Variants in VPS41 observed in about 807,000 individuals in gnomAD.
VPS41 encodes the protein VPS41 subunit of HOPS complex.
Under a neutral mutation model 130.9 loss-of-function variants are expected in VPS41, and 85 were observed. That is an observed-to-expected ratio of 0.65 (90% CI 0.55 to 0.78). The LOEUF (loss-of-function observed/expected upper bound fraction) is 0.78, where lower values mean the gene tolerates loss of function less well. Ranked by LOEUF, VPS41 falls within the 30% of genes least tolerant of loss-of-function variation. The pLI is 0.00. For synonymous variants in VPS41, 335 were observed against 332.9 expected (o/e 1.01, Z -0.07); for missense variants, 874 against 1,018.7 (o/e 0.86, Z 1.93).
Position 38,752,314 on chromosome 7 carries a change from C to A in VPS41, c.1789-1G>T. 6.2e-7 allele frequency: 1 copy of A among 1,613,480 alleles called. No homozygotes were observed. Among genetic ancestry groups the A allele is most frequent in the African/African-American group, 1.3e-5 (1 of 74,942 alleles). On this transcript the variant is annotated splice_acceptor_variant, in intron 21 of 28. Coordinates refer to ENST00000310301, the MANE Select transcript of VPS41 (RefSeq NM_014396.4). LOFTEE classifies it high-confidence loss of function. ...CTCTCTTGAAAAGCTTATGCAAATA[C>A]TAAAAGGAACAAAAGATAAGCCGTG...
intron 4 of VPS41, among the ~76,000 whole-genome samples, chr7:38,850,139 C>G (rs577056605): frequency 2.5e-4 from 38 of 152,342 alleles, no homozygotes; most frequent in Middle Eastern, 3.4e-3. Context: ...CTTTCTATGC[C>G]TTCCACCCTG....
chr7:38,799,614 A>G (rs1241724616), intron 7 of VPS41, among the ~76,000 whole-genome samples: 2 of 152,328 alleles, frequency 1.3e-5, no homozygotes, highest in Middle Eastern at 3.4e-3. Flanking sequence ...AATTCTCACT[A>G]AAGAGCTTAA....
chr7:38,875,478 A>T (rs1166907235), intron 2 of VPS41, among the ~76,000 whole-genome samples: 2 of 152,184 alleles, frequency 1.3e-5, no homozygotes, highest in African/African-American at 4.8e-5. Context: ...TAAAAAGACA[A>T]CTGTAACTAT....
chr7:38,753,200 T>G (rs7802052), intron 21 of VPS41, among the ~76,000 whole-genome samples: 141,871 of 152,184 alleles, frequency 0.93, 66,269 homozygotes, highest in East Asian at 0.99. Flanking sequence ...CACCTTGGGT[T>G]GCTGTTTCCA....
At chr7:38,829,215 C>T (rs1360914735) in intron 5 of VPS41, among the ~76,000 whole-genome samples, 1 of 152,072 alleles carries the variant, frequency 6.6e-6, no homozygotes, top group African/African-American at 2.4e-5. Context: ...CACTAGTGTT[C>T]CAATTACTGT....
rs1795529563 is a variant in VPS41, at chr7:38,725,898, G to A, written c.*348C>T. 5.9e-6 allele frequency: 1 copy of A among 170,352 alleles called. No individual in the cohort carries two copies. The highest frequency in any genetic ancestry group is 2.4e-5 in the African/African-American group (1 of 42,064). 10.6% of individuals were successfully genotyped at this position (170,352 alleles called of 1,614,324 possible). A position where few individuals can be genotyped will look rare whatever the true frequency, so the allele number is the denominator to read the frequency against. On this transcript the variant is annotated 3_prime_UTR_variant, in exon 29 of 29. Transcript: ENST00000310301. Reference sequence around the variant, plus strand: ...TGGCGACGCTTTCAGGCAGCTGGGAGAATTCTCAGTTGTCCATTTTATGGT... The same window carrying A: ...TGGCGACGCTTTCAGGCAGCTGGGAAAATTCTCAGTTGTCCATTTTATGGT...
intron 17 of VPS41, among the ~76,000 whole-genome samples, chr7:38,760,959 T>C (rs1306545689): frequency 6.6e-6 from 1 of 152,162 alleles, no homozygotes; most frequent in African/African-American, 2.4e-5. Context: ...TCTACCAAAG[T>C]AGCCCCTGGA....
Position 38,869,260 on chromosome 7 carries a change from A to G in VPS41, c.61-7T>C. ...CCTCTTCGCTCTCTTCTTCCTGCACAAACGGCAAAGAAAAATGACACCCGT... is the reference window on the plus strand; with the variant it reads ...CCTCTTCGCTCTCTTCTTCCTGCACGAACGGCAAAGAAAAATGACACCCGT... On this transcript the variant is annotated splice_region_variant and splice_polypyrimidine_tract_variant and intron_variant, in intron 2 of 28. Transcript: ENST00000310301. 6.3e-7 allele frequency: 1 copy of G among 1,597,874 alleles called. No homozygotes were observed. Among genetic ancestry groups the G allele is most frequent in the Non-Finnish European group, 8.5e-7 (1 of 1,171,734 alleles).
chr7:38,860,643 G>A (rs894935660), intron 4 of VPS41, among the ~76,000 whole-genome samples: 3 of 151,386 alleles, frequency 2.0e-5, no homozygotes, highest in Non-Finnish European at 4.4e-5. Flanking sequence ...TTCTACTATT[G>A]ACGGACATTT....
chr7:38,760,490 C>T (rs1306252586), intron 17 of VPS41, among the ~76,000 whole-genome samples: 5 of 152,118 alleles, frequency 3.3e-5, no homozygotes, highest in African/African-American at 2.4e-5. Context: ...ACATGTAAAA[C>T]GTAGATTTCC....
In VPS41 at chr7:38,789,794, G is replaced by A; in HGVS notation, c.784+7C>T. The A allele has an allele frequency of 6.2e-7, 1 of 1,613,444 alleles. No homozygotes were observed. The highest frequency in any genetic ancestry group is 8.5e-7 in the Non-Finnish European group (1 of 1,179,480). On this transcript the variant is annotated splice_region_variant and intron_variant, in intron 10 of 28. Coordinates refer to ENST00000310301, the MANE Select transcript of VPS41 (RefSeq NM_014396.4). The stretch of plus-strand genomic sequence containing the variant: ...ACATCCACAGAAGGCAAGTGTTGGA[G>A]CCATACCTATTTCAACATATCGACT...
intron 4 of VPS41, among the ~76,000 whole-genome samples, chr7:38,848,402 G>GTT (rs1785774086): frequency 1.3e-5 from 2 of 151,984 alleles, no homozygotes; most frequent in African/African-American, 2.4e-5. Flanking sequence ...TTTCCCCTTC[G>GTT]TTTTTCTTTC....
Position 38,726,075 on chromosome 7 carries a change from G to A in VPS41, c.*171C>T, listed in dbSNP as rs879595548. ...GCATGAAGAGAGCCCCAAATTCTCT[G>A]TGAACTGCAAAGAGAAACCATTAGT... On this transcript the variant is annotated 3_prime_UTR_variant, in exon 29 of 29. Coordinates refer to ENST00000310301, the MANE Select transcript of VPS41 (RefSeq NM_014396.4). The A allele has an allele frequency of 7.0e-6, 4 of 573,604 alleles. No individual in the cohort carries two copies. The highest frequency in any genetic ancestry group is 1.9e-5 in the African/African-American group (1 of 53,542). 35.5% of individuals were successfully genotyped at this position (573,604 alleles called of 1,614,324 possible). A position where few individuals can be genotyped will look rare whatever the true frequency, so the allele number is the denominator to read the frequency against.
intron 10 of VPS41, among the ~76,000 whole-genome samples, chr7:38,780,930 C>T (rs1175842198): frequency 2.5e-4 from 38 of 152,066 alleles, no homozygotes. Flanking sequence ...TCTACCCCTG[C>T]CTCTTGCTCC....
intron 10 of VPS41, among the ~76,000 whole-genome samples, chr7:38,777,553 G>A (rs932976931): frequency 2.0e-5 from 3 of 152,180 alleles, no homozygotes; most frequent in Non-Finnish European, 4.4e-5. Context: ...GACTGAGATT[G>A]GGAGTGGCTT....
rs34874229 is a variant in VPS41, at chr7:38,814,319, C to A, written c.450+3498G>T. The stretch of plus-strand genomic sequence containing the variant: ...ATAAGACTACAGGTATCCCTTGCAG[C>A]AGAAAAGCAATTATTAAACTTCACG... On this transcript the variant is annotated intron_variant, in intron 7 of 28. Coordinates refer to ENST00000310301, the MANE Select transcript of VPS41 (RefSeq NM_014396.4). Among the ~76,000 whole-genome samples, 520 of 152,284 alleles carry A rather than the reference C, an allele frequency of 3.4e-3. 1 individual carries two copies. Among genetic ancestry groups the A allele is most frequent in the Middle Eastern group, 6.8e-3 (2 of 294 alleles).
intron 2 of VPS41, among the ~76,000 whole-genome samples, chr7:38,887,291 G>C (rs1786755411): frequency 6.6e-6 from 1 of 152,190 alleles, no homozygotes; most frequent in Non-Finnish European, 1.5e-5. Context: ...AAAAAGGTTA[G>C]ACGAATGGCT....
At chr7:38,732,663 TTG>T (rs1266432209) in intron 25 of VPS41, among the ~76,000 whole-genome samples, 2 of 152,160 alleles carry the variant, frequency 1.3e-5, no homozygotes, top group African/African-American at 4.8e-5. Context: ...ATTTTTGCAT[TTG>T]TGTTTTTAAA....
chr7:38,857,693 T>G (rs541793127), intron 4 of VPS41, among the ~76,000 whole-genome samples: 1 of 152,180 alleles, frequency 6.6e-6, no homozygotes, highest in African/African-American at 2.4e-5. Context: ...AAAAGCCAAA[T>G]TGTAAAATAC....
Sources: allele counts gnomAD v4.1 joint callset (sites outside exome capture counted in the v4.1 genomes callset), GRCh38; gene constraint gnomAD v4.1.1; transcripts MANE v1.5; gene names NCBI Gene and HGNC (gene_info 2026-07-23, HGNC 2026-07-21).